The following HIPK2 variants were observed in gnomAD, a reference collection of about 807,000 sequenced individuals.
The protein encoded by HIPK2 is homeodomain-interacting protein kinase 2.
HIPK2 carries 27 observed loss-of-function variants against 113.7 expected under a neutral mutation model. The ratio of observed to expected loss-of-function variants is 0.24; its 90% CI spans 0.17 to 0.33. The LOEUF is 0.33. HIPK2 is among the 10% of genes least tolerant of loss of function. The pLI, the probability that HIPK2 is intolerant of heterozygous loss-of-function variation, is 1.00. For missense variants in HIPK2, 1,257 were observed against 1,588.0 expected, an observed-to-expected ratio of 0.79 and a Z score of 3.54; for synonymous variants, 631 against 642.2, an observed-to-expected ratio of 0.98 and a Z score of 0.26.
intron 2 of HIPK2, among the ~76,000 whole-genome samples, chr7:139,648,861 TA>T (rs1801346537): frequency 6.6e-6 from 1 of 151,952 alleles, no homozygotes; most frequent in South Asian, 2.1e-4. Flanking sequence ...TATTTACCAT[TA>T]ATACTAGGAT....
chr7:139,745,922 A>T (rs1796182812), intron 1 of HIPK2, among the ~76,000 whole-genome samples: 1 of 152,200 alleles, frequency 6.6e-6, no homozygotes, highest in South Asian at 2.1e-4. Flanking sequence ...ATTTCAACAC[A>T]GAAAAGGAGA....
intron 2 of HIPK2, among the ~76,000 whole-genome samples, chr7:139,697,733 T>C (rs1484830185): frequency 6.6e-6 from 1 of 152,326 alleles, no homozygotes; most frequent in South Asian, 2.1e-4. Flanking sequence ...ACTCATAACG[T>C]TGTACAAACC....
In HIPK2 at chr7:139,613,346, G is replaced by C; in HGVS notation, c.1991-23C>G. The C allele has an allele frequency of 6.2e-7, 1 of 1,612,178 alleles. No individual in the cohort carries two copies. The highest frequency in any genetic ancestry group is 8.5e-7 in the Non-Finnish European group (1 of 1,179,112). On this transcript the variant is annotated intron_variant, in intron 8 of 14. Coordinates refer to ENST00000406875, the MANE Select transcript of HIPK2 (RefSeq NM_022740.5). The surrounding 1 kb of genome is among the most constrained non-coding windows in gnomAD (Gnocchi z 4.2). ...AGCCTGTTCCAGACAGTGTGAGGGA[G>C]AGAAGGGTTAGCTGAGACGCTGTGA...
intron 1 of HIPK2, among the ~76,000 whole-genome samples, chr7:139,763,552 A>ACGG (rs914251665): frequency 6.7e-6 from 1 of 149,276 alleles, no homozygotes; most frequent in African/African-American, 2.5e-5. Context: ...AACTTCAGTA[A>ACGG]CGGCGGCAGA....
chr7:139,673,885 TAAAAAAAAAAAAAAAAAA>T (rs60905469), intron 2 of HIPK2, among the ~76,000 whole-genome samples: 3 of 73,454 alleles, frequency 4.1e-5, no homozygotes, highest in East Asian at 7.5e-4. Flanking sequence ...CTATCTGTAC[TAAAAAAAAAAAAAAAAAA>T]AAAAAAAAAA....
intron 2 of HIPK2, among the ~76,000 whole-genome samples, chr7:139,699,616 G>A (rs1175221313): frequency 1.3e-5 from 2 of 152,196 alleles, no homozygotes; most frequent in Non-Finnish European, 2.9e-5. Flanking sequence ...GGGGAGGGTG[G>A]AGCTGGCATA....
At chr7:139,745,473 G>A (rs1442882695) in intron 1 of HIPK2, among the ~76,000 whole-genome samples, 2 of 152,220 alleles carry the variant, frequency 1.3e-5, no homozygotes, top group African/African-American at 2.4e-5. Context: ...AGCTGAAGCC[G>A]GATTATTTCA....
At chr7:139,590,293 A>G (rs1798973316) in intron 12 of HIPK2, among the ~76,000 whole-genome samples, 1 of 152,220 alleles carries the variant, frequency 6.6e-6, no homozygotes, top group Admixed American at 6.5e-5. Flanking sequence ...AGAGTTCACA[A>G]TTGCATTATG....
At chr7:139,680,466 G>A (rs1295213389) in intron 2 of HIPK2, among the ~76,000 whole-genome samples, 1 of 152,164 alleles carries the variant, frequency 6.6e-6, no homozygotes. Flanking sequence ...CTTACCAGGT[G>A]CCTTGGGTTT....
At position 139,706,720 on chromosome 7, in the gene HIPK2, C is replaced by T. The variant is rs563921871; in HGVS notation, c.1103+9212G>A. Among the ~76,000 whole-genome samples the T allele has an allele frequency of 2.6e-5, 4 of 152,342 alleles. No individual in the cohort carries two copies. The South Asian group carries it at 6.2e-4, about 24-fold the overall frequency. ...GTAGAGATCCCCAACTCCTCGCAAA[C>T]GTTTAGAGCTCAACTGTGAATTCTT... On this transcript the variant is annotated intron_variant, in intron 2 of 14. Coordinates refer to ENST00000406875, the MANE Select transcript of HIPK2 (RefSeq NM_022740.5).
chr7:139,650,546 G>C (rs1020795137), intron 2 of HIPK2, among the ~76,000 whole-genome samples: 2 of 151,220 alleles, frequency 1.3e-5, no homozygotes, highest in African/African-American at 2.4e-5. Context: ...TCACAGCTGT[G>C]ACAGCCAGCC....
chr7:139,690,656 G>A (rs1444938072), intron 2 of HIPK2, among the ~76,000 whole-genome samples: 27 of 151,890 alleles, frequency 1.8e-4, no homozygotes, highest in Admixed American at 1.8e-3. Context: ...ACAAAAAATA[G>A]AAATAAATTT....
At position 139,714,167 on chromosome 7, in the gene HIPK2, T is replaced by G. The variant is rs1332149254; in HGVS notation, c.1103+1765A>C. Among the ~76,000 whole-genome samples the G allele has an allele frequency of 6.6e-6, 1 of 152,172 alleles. No homozygotes were observed. Among genetic ancestry groups the G allele is most frequent in the Admixed American group, 6.5e-5 (1 of 15,276 alleles). On this transcript the variant is annotated intron_variant, in intron 2 of 14. Coordinates refer to ENST00000406875, the MANE Select transcript of HIPK2 (RefSeq NM_022740.5). The surrounding 1 kb of genome is among the most constrained non-coding windows in gnomAD (Gnocchi z 4.2). ...AAGCACAGGCCTGTGGAGACCTTTCTGCGCATAGGAAATGAGCGGGAAAGG... is the reference window on the plus strand; with the variant it reads ...AAGCACAGGCCTGTGGAGACCTTTCGGCGCATAGGAAATGAGCGGGAAAGG...
rs1378308713 is a variant in HIPK2 at position 139,604,062 on chromosome 7, A to G, written c.2255+19T>C. 1 of 1,613,586 alleles carries G rather than the reference A, an allele frequency of 6.2e-7. No individual in the cohort carries two copies. Among genetic ancestry groups the G allele is most frequent in the South Asian group, 1.1e-5 (1 of 91,068 alleles). ...CATCCCAGACACACCCACTCACCCT[A>G]GAGGGGTTTCCTGCTTACCTCCAGT... is the stretch of plus-strand genomic sequence containing the variant. On this transcript the variant is annotated intron_variant, in intron 10 of 14. Transcript: ENST00000406875.
chr7:139,608,084 CA>C (rs575277000), intron 9 of HIPK2, among the ~76,000 whole-genome samples: 2 of 150,216 alleles, frequency 1.3e-5, no homozygotes, highest in Admixed American at 1.3e-4. Flanking sequence ...ACTAAAAATA[CA>C]AAAAAAAATT....
rs538894316 is a variant in HIPK2, at chr7:139,574,779, C to CA, written c.3126+348dup. ...GGATGCAGGTCTGTCCCTGATGTCC[C>CA]AGGCCGACAGGGCCGGGACACAGTG... On this transcript the variant is annotated intron_variant, in intron 14 of 14. Coordinates refer to ENST00000406875, the MANE Select transcript of HIPK2 (RefSeq NM_022740.5). 1.5e-3 allele frequency among the ~76,000 whole-genome samples: 225 copies of CA among 152,352 alleles called. 1 individual carries two copies. The highest frequency in any genetic ancestry group is 7.1e-3 in the Admixed American group (108 of 15,304).
intron 1 of HIPK2, among the ~76,000 whole-genome samples, chr7:139,731,335 T>C (rs536123094): frequency 6.6e-6 from 1 of 152,368 alleles, no homozygotes; most frequent in South Asian, 2.1e-4. Flanking sequence ...CAGGGCACTA[T>C]ACACCTCCTC....
chr7:139,649,431 G>C (rs1801375001), intron 2 of HIPK2, among the ~76,000 whole-genome samples: 1 of 152,148 alleles, frequency 6.6e-6, no homozygotes, highest in African/African-American at 2.4e-5. Context: ...TTTTCCTAGG[G>C]GAAAACACAC....
intron 1 of HIPK2, among the ~76,000 whole-genome samples, chr7:139,747,009 G>A (rs912567485): frequency 6.6e-6 from 1 of 152,172 alleles, no homozygotes; most frequent in Admixed American, 6.5e-5. Context: ...ATTATACCAC[G>A]CACTGAGCCA....
Sources: gnomAD v4.1 joint callset for allele counts (sites outside exome capture counted in the v4.1 genomes callset) on GRCh38, gnomAD v4.1.1 for gene constraint, Gnocchi (gnomAD v3.1) non-coding constraint, MANE v1.5 for transcripts, NCBI Gene and HGNC (gene_info 2026-07-23, HGNC 2026-07-21) for gene names.